The following CAMTA1 variants were observed in gnomAD, a reference collection of about 807,000 sequenced individuals.
CAMTA1 encodes the protein calmodulin binding transcription activator 1.
CAMTA1 carries 27 observed loss-of-function variants against 170.9 expected under a neutral mutation model. That is an observed-to-expected ratio of 0.16 (90% CI 0.12 to 0.22). CAMTA1 has a LOEUF of 0.22. CAMTA1 is among the 10% of genes least tolerant of loss of function. The probability of loss-of-function intolerance (pLI) is 1.00; values close to 1 mark genes in which losing one functional copy is unlikely to be tolerated. For synonymous variants in CAMTA1, 833 were observed against 891.5 expected (o/e 0.93, Z 1.17); for missense variants, 1,619 against 2,217.2 (o/e 0.73, Z 5.42).
chr1:7,548,535 G>A (rs1311781637), intron 6 of CAMTA1, among the ~76,000 whole-genome samples: 1 of 149,692 alleles, frequency 6.7e-6, no homozygotes, highest in Non-Finnish European at 1.5e-5. Flanking sequence ...CCCCTTAGGG[G>A]TGGAGGTGCC....
chr1:6,890,096 G>C (rs770503615), intron 3 of CAMTA1, among the ~76,000 whole-genome samples: 1 of 152,216 alleles, frequency 6.6e-6, no homozygotes, highest in Non-Finnish European at 1.5e-5. Flanking sequence ...ACGTCAGGCA[G>C]AGAGGGACTC....
chr1:6,855,582 C>T (rs1416571471), intron 3 of CAMTA1, among the ~76,000 whole-genome samples: 1 of 151,888 alleles, frequency 6.6e-6, no homozygotes, highest in African/African-American at 2.4e-5. Flanking sequence ...AGGTGCACCC[C>T]CATGATCCAG....
chr1:7,708,829 T>A (rs908080806), intron 11 of CAMTA1, among the ~76,000 whole-genome samples: 4 of 152,208 alleles, frequency 2.6e-5, no homozygotes. Context: ...AAAGTGCTGA[T>A]CATAAAGCTA....
intron 5 of CAMTA1, among the ~76,000 whole-genome samples, chr1:7,342,037 C>T (rs1038169511): frequency 2.0e-5 from 3 of 152,178 alleles, no homozygotes; most frequent in African/African-American, 4.8e-5. Flanking sequence ...TCATACTGAC[C>T]GTAGAAGGTA....
chr1:7,486,851 GAGC>G (rs1460989809), intron 6 of CAMTA1, among the ~76,000 whole-genome samples: 1 of 152,108 alleles, frequency 6.6e-6, no homozygotes. Flanking sequence ...AAAGCCCTGT[GAGC>G]AACCCCCTGG....
intron 5 of CAMTA1, among the ~76,000 whole-genome samples, chr1:7,440,861 T>G (rs1313292985): frequency 6.6e-6 from 1 of 152,246 alleles, no homozygotes; most frequent in Non-Finnish European, 1.5e-5. Flanking sequence ...GTTTTGGGAT[T>G]AAGACAGGAC....
chr1:7,522,869 T>G (rs2094384000), intron 6 of CAMTA1, among the ~76,000 whole-genome samples: 1 of 152,220 alleles, frequency 6.6e-6, no homozygotes, highest in South Asian at 2.1e-4. Flanking sequence ...GTTGATCTCT[T>G]TTTTTGGTTT....
intron 5 of CAMTA1, among the ~76,000 whole-genome samples, chr1:7,436,304 C>T (rs893258114): frequency 6.6e-6 from 1 of 152,126 alleles, no homozygotes; most frequent in African/African-American, 2.4e-5. Context: ...CCCTGGCTTC[C>T]GGGCTGGTTC....
intron 5 of CAMTA1, among the ~76,000 whole-genome samples, chr1:7,323,720 A>G (rs1421363579): frequency 6.6e-6 from 1 of 152,008 alleles, no homozygotes; most frequent in African/African-American, 2.4e-5. Flanking sequence ...TCTCTAGAAC[A>G]TACATTCCTT....
intron 4 of CAMTA1, among the ~76,000 whole-genome samples, chr1:7,129,030 A>G (rs896937513): frequency 1.3e-5 from 2 of 151,146 alleles, no homozygotes; most frequent in African/African-American, 4.9e-5. Context: ...GGTAGAGACC[A>G]CCTCACTATG....
intron 5 of CAMTA1, among the ~76,000 whole-genome samples, chr1:7,253,836 T>C (rs1666968227): frequency 6.6e-6 from 1 of 152,166 alleles, no homozygotes; most frequent in South Asian, 2.1e-4. Flanking sequence ...CCTATTTATT[T>C]AGCACACATC....
intron 11 of CAMTA1, among the ~76,000 whole-genome samples, chr1:7,724,557 G>T (rs1034433598): frequency 4.6e-5 from 7 of 152,186 alleles, no homozygotes; most frequent in African/African-American, 1.7e-4. Flanking sequence ...TATGGGCCGG[G>T]CGCGGTGGCT....
rs528924239 is a variant in CAMTA1 at position 6,826,901 on chromosome 1, T to G, written c.234+1691T>G. Among the ~76,000 whole-genome samples, 7 of 152,368 alleles carry G rather than the reference T, an allele frequency of 4.6e-5. No homozygotes were observed. The East Asian group carries it at 1.3e-3, about 29-fold the overall frequency. ...CAGTGGCTTCAAAACTTTTTGAAAC[T>G]TTTCAGCATAACCCTTCAACTTTCA... On this transcript the variant is annotated intron_variant, in intron 3 of 22. Coordinates refer to ENST00000303635, the MANE Select transcript of CAMTA1 (RefSeq NM_015215.4).
At chr1:7,343,399 G>C (rs1288026757) in intron 5 of CAMTA1, among the ~76,000 whole-genome samples, 4 of 152,288 alleles carry the variant, frequency 2.6e-5, no homozygotes, top group Non-Finnish European at 5.9e-5. Context: ...CCACCTCCGA[G>C]GCCATATTGG....
At chr1:7,526,962 C>G (rs1161121884) in intron 6 of CAMTA1, among the ~76,000 whole-genome samples, 1 of 152,212 alleles carries the variant, frequency 6.6e-6, no homozygotes, top group African/African-American at 2.4e-5. Flanking sequence ...TCCAAGAAAG[C>G]AGCCTTTCCA....
chr1:7,722,660 G>A (rs765167299), intron 11 of CAMTA1, among the ~76,000 whole-genome samples: 6 of 152,080 alleles, frequency 3.9e-5, no homozygotes, highest in Non-Finnish European at 5.9e-5. Context: ...TTGAGATACA[G>A]GAGTTAAACC....
At chr1:6,796,999 C>G (rs1338515094) in intron 1 of CAMTA1, among the ~76,000 whole-genome samples, 1 of 152,200 alleles carries the variant, frequency 6.6e-6, no homozygotes, top group Non-Finnish European at 1.5e-5. Flanking sequence ...ATCATTTTAG[C>G]TAAATAATAA....
chr1:6,810,608 C>A (rs750734108), intron 1 of CAMTA1, among the ~76,000 whole-genome samples: 4 of 152,082 alleles, frequency 2.6e-5, no homozygotes, highest in Non-Finnish European at 5.9e-5. Flanking sequence ...AGATCGAGAC[C>A]ATCTGGCTAA....
chr1:7,767,761 C>CAA lies in CAMTA1; in HGVS notation c.*1276_*1277dup, dbSNP rs539297114. On this transcript the variant is annotated 3_prime_UTR_variant, in exon 23 of 23. Coordinates refer to ENST00000303635, the MANE Select transcript of CAMTA1 (RefSeq NM_015215.4). ...AGTGGCTATGGTCTGTAAAATGAAA[C>CAA]AAAAAAACTTTATTTCACTATAAGA... is the stretch of plus-strand genomic sequence containing the variant. 7.1e-6 allele frequency: 1 copy of CAA among 140,996 alleles called. No homozygotes were observed. Among genetic ancestry groups the CAA allele is most frequent in the Admixed American group, 7.3e-5 (1 of 13,690 alleles). The allele number at this position is 140,996 out of a possible 1,614,324, so 8.7% of individuals were successfully genotyped here. A position where few individuals can be genotyped will look rare whatever the true frequency, so the allele number is the denominator to read the frequency against.
Sources: gnomAD v4.1 joint callset for allele counts (sites outside exome capture counted in the v4.1 genomes callset) on GRCh38, gnomAD v4.1.1 for gene constraint, MANE v1.5 for transcripts, NCBI Gene and HGNC (gene_info 2026-07-23, HGNC 2026-07-21) for gene names.